Variants in MKLN1 observed in about 807,000 individuals in gnomAD.
MKLN1 encodes the protein muskelin.
A neutral mutation model predicts 99.0 loss-of-function variants in MKLN1; 18 were observed. The ratio of observed to expected loss-of-function variants is 0.18; its 90% CI spans 0.13 to 0.27. The LOEUF (loss-of-function observed/expected upper bound fraction) is 0.27, where lower values mean the gene tolerates loss of function less well. MKLN1 is among the 10% of genes least tolerant of loss of function. The pLI is 1.00. For missense variants in MKLN1, 621 were observed against 875.9 expected (o/e 0.71, Z 3.67); for synonymous variants, 288 against 293.2 (o/e 0.98, Z 0.18).
intron 12 of MKLN1, among the ~76,000 whole-genome samples, chr7:131,459,750 AC>A (rs1334325289): frequency 2.0e-5 from 3 of 152,146 alleles, no homozygotes; most frequent in Non-Finnish European, 4.4e-5. Context: ...TAAAAAAAAA[AC>A]AACATAGATA....
chr7:131,119,870 A>AG (rs1425111749), intron 1 of MKLN1, among the ~76,000 whole-genome samples: 25 of 152,162 alleles, frequency 1.6e-4, no homozygotes, highest in Non-Finnish European at 3.2e-4. Context: ...CTGCAGCCTT[A>AG]AATTCCTCCT....
chr7:131,283,780 G>A (rs1358522670), intron 3 of MKLN1, among the ~76,000 whole-genome samples: 1 of 152,160 alleles, frequency 6.6e-6, no homozygotes, highest in Non-Finnish European at 1.5e-5. Context: ...TAACCAATCT[G>A]TTGAAGACTG....
intron 2 of MKLN1, among the ~76,000 whole-genome samples, chr7:131,191,591 T>C (rs1201376270): frequency 6.6e-6 from 1 of 152,160 alleles, no homozygotes; most frequent in African/African-American, 2.4e-5. Flanking sequence ...ACTTAACAGT[T>C]ATCTTGCCTT....
chr7:131,328,398 C>A (rs1271088418), intron 1 of MKLN1, among the ~76,000 whole-genome samples: 1 of 152,112 alleles, frequency 6.6e-6, no homozygotes, highest in African/African-American at 2.4e-5. Flanking sequence ...CCGAGGTGGT[C>A]GGCGTCGGGG....
At chr7:131,429,170 T>C in intron 9 of MKLN1, 25 bp downstream of exon 9, 4 of 1,509,698 alleles carry the variant, frequency 2.6e-6, no homozygotes, top group Non-Finnish European at 3.7e-6. Flanking sequence ...TTTTCATACA[T>C]CTATATTACA....
intron 3 of MKLN1, among the ~76,000 whole-genome samples, chr7:131,306,882 A>T (rs753810474): frequency 5.3e-5 from 8 of 152,236 alleles, no homozygotes; most frequent in Non-Finnish European, 1.0e-4. Context: ...TTGCCAAGAC[A>T]ATGCAGAAAA....
chr7:131,221,095 T>G (rs1797053217), intron 3 of MKLN1, among the ~76,000 whole-genome samples: 1 of 152,232 alleles, frequency 6.6e-6, no homozygotes, highest in Admixed American at 6.5e-5. Flanking sequence ...TTATCTGCTT[T>G]TCCTACCTTT....
chr7:131,153,436 C>A (rs1365658175), intron 2 of MKLN1, among the ~76,000 whole-genome samples: 2 of 152,018 alleles, frequency 1.3e-5, no homozygotes, highest in Admixed American at 6.6e-5. Context: ...CTATTTGGTA[C>A]AAGATGGCAT....
intron 16 of MKLN1, 52 bp from the exon 17 acceptor site, chr7:131,478,571 A>G (rs1032639028): frequency 6.8e-7 from 1 of 1,472,482 alleles, no homozygotes; most frequent in Non-Finnish European, 8.9e-7. Context: ...CCTTCAGTGC[A>G]CTTAGCCAGC....
At chr7:131,246,898 C>T (rs1797497766) in intron 3 of MKLN1, among the ~76,000 whole-genome samples, 1 of 152,098 alleles carries the variant, frequency 6.6e-6, no homozygotes, top group Non-Finnish European at 1.5e-5. Context: ...TCTTTCTGTA[C>T]CTGTAGATGG....
At chr7:131,299,860 T>C (rs941436943) in intron 3 of MKLN1, among the ~76,000 whole-genome samples, 19 of 152,204 alleles carry the variant, frequency 1.2e-4, no homozygotes, top group African/African-American at 3.6e-4. Flanking sequence ...TAAATGGAAA[T>C]ACCACCTCTA....
intron 10 of MKLN1, among the ~76,000 whole-genome samples, chr7:131,439,093 AT>A: frequency 6.6e-6 from 1 of 152,140 alleles, no homozygotes; most frequent in East Asian, 1.9e-4. Flanking sequence ...TGTTGGCTCT[AT>A]TTAACTGAGC....
chr7:131,159,447 T>A (rs1796015065), intron 2 of MKLN1, among the ~76,000 whole-genome samples: 1 of 152,182 alleles, frequency 6.6e-6, no homozygotes, highest in Non-Finnish European at 1.5e-5. Flanking sequence ...GTCATTTTGT[T>A]AAGTGAAATA....
chr7:131,201,494 C>T (rs182377812), intron 2 of MKLN1, among the ~76,000 whole-genome samples: 8 of 152,294 alleles, frequency 5.3e-5, no homozygotes, highest in Admixed American at 5.2e-4. Context: ...TGAAGAATTT[C>T]CAAGAAGAAG....
intron 2 of MKLN1, among the ~76,000 whole-genome samples, chr7:131,381,691 C>T (rs1793850957): frequency 6.6e-6 from 1 of 152,094 alleles, no homozygotes; most frequent in Non-Finnish European, 1.5e-5. Flanking sequence ...CATACACTCA[C>T]ACAGACACAT....
chr7:131,282,092 G>A (rs1026595354), intron 3 of MKLN1, among the ~76,000 whole-genome samples: 1 of 152,172 alleles, frequency 6.6e-6, no homozygotes, highest in Non-Finnish European at 1.5e-5. Flanking sequence ...GCTCATGCCT[G>A]TAATCCCAGC....
chr7:131,121,638 CAAAAA>C (rs55908773), intron 1 of MKLN1, among the ~76,000 whole-genome samples: 22 of 72,818 alleles, frequency 3.0e-4, no homozygotes, highest in Admixed American at 5.2e-4. Context: ...GACTCCGTCT[CAAAAA>C]AAAAAAAAAA....
intron 1 of MKLN1, among the ~76,000 whole-genome samples, chr7:131,120,908 G>T (rs542610116): frequency 3.7e-4 from 57 of 152,154 alleles, no homozygotes; most frequent in Non-Finnish European, 7.2e-4. Context: ...CCACATTTTT[G>T]TATATCTTTA....
rs1797390936 is a variant in MKLN1 at position 131,490,203 on chromosome 7, A to G, written c.*2475A>G. 1 of 152,606 alleles carries G rather than the reference A, an allele frequency of 6.6e-6. No individual in the cohort carries two copies. The highest frequency in any genetic ancestry group is 2.4e-5 in the African/African-American group (1 of 41,450). 9.5% of individuals were successfully genotyped at this position (152,606 alleles called of 1,614,324 possible). On this transcript the variant is annotated 3_prime_UTR_variant, in exon 18 of 18. Transcript: ENST00000352689. The stretch of plus-strand genomic sequence containing the variant: ...ACATTGTTTATATAGCCAAGTGTAT[A>G]TGCTTTACTACCTAACAATTATTCT...
Sources: allele counts gnomAD v4.1 joint callset (sites outside exome capture counted in the v4.1 genomes callset), GRCh38; gene constraint gnomAD v4.1.1; transcripts MANE v1.5; gene names NCBI Gene and HGNC (gene_info 2026-07-23, HGNC 2026-07-21).